SFI1: variants seen among roughly 807,000 people sequenced by gnomAD.
SFI1 encodes the protein SFI1 centrin binding protein.
SFI1 carries 195 observed loss-of-function variants against 207.5 expected under a neutral mutation model. That is an observed-to-expected ratio of 0.94 (90% CI 0.84 to 1.06). SFI1 has a LOEUF of 1.06. Among genes scored for constraint, SFI1 ranks in the 50% least tolerant of loss-of-function variants. SFI1 has a pLI of 0.00. For synonymous variants in SFI1, 630 were observed against 598.9 expected (o/e 1.05, Z -0.76); for missense variants, 1,634 against 1,588.0 (o/e 1.03, Z -0.49).
chr22:31,614,064 C>G, intron 27 of SFI1: 2 of 640,240 alleles, frequency 3.1e-6, no homozygotes, highest in African/African-American at 1.8e-5. Flanking sequence ...CAAACCCTCT[C>G]TCCTTTGCCT....
intron 4 of SFI1, among the ~76,000 whole-genome samples, chr22:31,535,513 C>G (rs2058909698): frequency 6.9e-6 from 1 of 145,352 alleles, no homozygotes; most frequent in Non-Finnish European, 1.5e-5. Flanking sequence ...TCTTTTTTTT[C>G]TTTTTGCTGA....
At chr22:31,592,973 C>T in intron 15 of SFI1, among the ~76,000 whole-genome samples, 1 of 121,550 alleles carries the variant, frequency 8.2e-6, no homozygotes. Flanking sequence ...GGGCGGCTGG[C>T]CGGGCGGGGG....
chr22:31,593,022 C>G (rs1388959770), intron 15 of SFI1, among the ~76,000 whole-genome samples: 5 of 130,778 alleles, frequency 3.8e-5, no homozygotes, highest in African/African-American at 1.6e-4. Flanking sequence ...GCACGGCTGG[C>G]CAGGTGGGGG....
At chr22:31,574,551 C>T (rs1285493489) in intron 9 of SFI1, among the ~76,000 whole-genome samples, 3 of 152,166 alleles carry the variant, frequency 2.0e-5, no homozygotes, top group Non-Finnish European at 2.9e-5. Context: ...TAAGTCCTAT[C>T]CAGGAGACAT....
rs770460455 is a variant in SFI1 at position 31,604,836 on chromosome 22, A to C, written c.1978-33A>C. On this transcript the variant is annotated intron_variant, in intron 19 of 32. Coordinates refer to ENST00000400288, the MANE Select transcript of SFI1 (RefSeq NM_001007467.3). Reference sequence around the variant, plus strand: ...CCTAAACAGGGGGAAGTGTGGGCCCAAGAGCAGCCTCAGTCTTCCTTGTCC... The same window carrying C: ...CCTAAACAGGGGGAAGTGTGGGCCCCAGAGCAGCCTCAGTCTTCCTTGTCC... 2.3e-5 allele frequency: 37 copies of C among 1,598,076 alleles called. No individual in the cohort carries two copies. The South Asian group carries it at 3.8e-4, about 16-fold the overall frequency.
intron 15 of SFI1, among the ~76,000 whole-genome samples, chr22:31,598,617 C>T (rs1036978874): frequency 9.4e-5 from 14 of 148,596 alleles, no homozygotes; most frequent in African/African-American, 3.5e-4. Context: ...GACGGGGTTT[C>T]ACTGTTAGCC....
chr22:31,529,730 G>A (rs757651671), intron 3 of SFI1, among the ~76,000 whole-genome samples: 24 of 152,282 alleles, frequency 1.6e-4, no homozygotes, highest in African/African-American at 1.9e-4. Context: ...CAAATACGGC[G>A]AGAACAGCCA....
At position 31,589,435 on chromosome 22, in the gene SFI1, CT is replaced by C; in HGVS notation, c.1414-8del. On this transcript the variant is annotated splice_polypyrimidine_tract_variant and intron_variant, in intron 14 of 32. Transcript: ENST00000400288. The stretch of plus-strand genomic sequence containing the variant: ...AAGTTAAGTACAAAGGTTATTCATT[CT>C]TTTACTTTAGCTGCTACAGGCCAGA... The C allele has an allele frequency of 6.3e-7, 1 of 1,584,876 alleles. No homozygotes were observed. The highest frequency in any genetic ancestry group is 8.5e-7 in the Non-Finnish European group (1 of 1,170,430).
chr22:31,553,455 A>G (rs561231880), intron 6 of SFI1, among the ~76,000 whole-genome samples: 78 of 151,138 alleles, frequency 5.2e-4, no homozygotes, highest in African/African-American at 1.8e-3. Context: ...TCCCGGGTTT[A>G]AGTGATTCTC....
chr22:31,612,392 A>ATACAT (rs1421688039), intron 24 of SFI1: 1 of 107,418 alleles, frequency 9.3e-6, no homozygotes, highest in African/African-American at 3.8e-5. Flanking sequence ...AAAAAAAAAA[A>ATACAT]AAAAAAATAT....
chr22:31,603,898 C>A, intron 18 of SFI1, 79 bp downstream of exon 18: 1 of 1,309,018 alleles, frequency 7.6e-7, no homozygotes, highest in Non-Finnish European at 1.0e-6. Context: ...TCACAGGCAA[C>A]ATATGGGCCA....
chr22:31,618,029 G>A (rs2072084841), intron 31 of SFI1, 86 bp from the exon 32 acceptor site: 2 of 1,435,266 alleles, frequency 1.4e-6, no homozygotes, highest in South Asian at 1.4e-5. Flanking sequence ...ACCCGCATCA[G>A]AATTAGCTGA....
intron 1 of SFI1, among the ~76,000 whole-genome samples, chr22:31,501,995 G>A (rs2053862796): frequency 6.6e-6 from 1 of 152,022 alleles, no homozygotes; most frequent in Admixed American, 6.6e-5. Flanking sequence ...ATGGCTTCCT[G>A]TCCAGGGTGG....
chr22:31,586,659 C>T (rs1480428669), intron 14 of SFI1, among the ~76,000 whole-genome samples: 1 of 152,138 alleles, frequency 6.6e-6, no homozygotes, highest in East Asian at 1.9e-4. Flanking sequence ...TACAAGTTCA[C>T]CAGAATGCAG....
chr22:31,577,878 G>C (rs1419466907), intron 10 of SFI1: 1 of 152,626 alleles, frequency 6.6e-6, no homozygotes, highest in African/African-American at 2.4e-5. Flanking sequence ...TGAACTGCAG[G>C]GTGTTGGGGG....
At position 31,585,074 on chromosome 22, in the gene SFI1, A is replaced by G. The variant is rs2064846585; in HGVS notation, c.1353A>G (p.Ala451=). The G allele has an allele frequency of 6.2e-7, 1 of 1,613,846 alleles. No homozygotes were observed. The highest frequency in any genetic ancestry group is 8.5e-7 in the Non-Finnish European group (1 of 1,179,890). Residue 451 remains alanine (A), a synonymous_variant, in exon 14 of 33, where the codon GCA becomes GCG. Transcript: ENST00000400288. Reference sequence around the variant, plus strand: ...GTTCTTCCTTTTGTTTCAGAATAGCACTGCTGTGCAAATGTATCGAATTGT... The same window carrying G: ...GTTCTTCCTTTTGTTTCAGAATAGCGCTGCTGTGCAAATGTATCGAATTGT... ...LHAAWDHYRI[A]LLCKCIELWL...
chr22:31,594,392 A>C (rs960555478), intron 15 of SFI1, among the ~76,000 whole-genome samples: 1 of 151,532 alleles, frequency 6.6e-6, no homozygotes, highest in East Asian at 1.9e-4. Context: ...TACTAAAGAT[A>C]CAAAAATTAG....
intron 8 of SFI1, among the ~76,000 whole-genome samples, chr22:31,571,927 A>T (rs1353677783): frequency 6.6e-6 from 1 of 152,168 alleles, no homozygotes; most frequent in African/African-American, 2.4e-5. Context: ...TAGGAAAAAT[A>T]ATAGCACATT....
chr22:31,580,176 C>T (rs964357262), intron 11 of SFI1, 96 bp from the exon 12 acceptor site: 13 of 855,034 alleles, frequency 1.5e-5, no homozygotes, highest in Middle Eastern at 4.5e-4. Flanking sequence ...AGCTTCTCCC[C>T]GCTGATTTGA....
Sources: allele counts gnomAD v4.1 joint callset (sites outside exome capture counted in the v4.1 genomes callset), GRCh38; gene constraint gnomAD v4.1.1; transcripts MANE v1.5; gene names NCBI Gene and HGNC (gene_info 2026-07-23, HGNC 2026-07-21).